The following SLC44A5 variants were observed in gnomAD, a reference collection of about 807,000 sequenced individuals.
SLC44A5 encodes choline transporter-like protein 5.
SLC44A5 carries 57 observed loss-of-function variants against 101.8 expected under a neutral mutation model. That is an observed-to-expected ratio of 0.56 (90% CI 0.45 to 0.70). The LOEUF (loss-of-function observed/expected upper bound fraction) is 0.70, where lower values mean the gene tolerates loss of function less well. Ranked by LOEUF, SLC44A5 falls within the 30% of genes least tolerant of loss-of-function variation. The pLI is 0.00. For missense variants in SLC44A5, 737 were observed against 853.1 expected (o/e 0.86, Z 1.70); for synonymous variants, 281 against 290.9 (o/e 0.97, Z 0.35).
intron 2 of SLC44A5, among the ~76,000 whole-genome samples, chr1:75,408,952 G>A (rs977322044): frequency 6.6e-6 from 1 of 152,076 alleles, no homozygotes; most frequent in African/African-American, 2.4e-5. Context: ...CTGAAAGATG[G>A]TGCTATATGA....
intron 2 of SLC44A5, among the ~76,000 whole-genome samples, chr1:75,423,250 C>T (rs1664120269): frequency 6.6e-6 from 1 of 152,154 alleles, no homozygotes; most frequent in African/African-American, 2.4e-5. Context: ...TAGCAACCTG[C>T]TTAGTAAGGT....
intron 2 of SLC44A5, among the ~76,000 whole-genome samples, chr1:75,443,695 A>G (rs917423736): frequency 6.6e-6 from 1 of 151,786 alleles, no homozygotes; most frequent in Admixed American, 6.6e-5. Flanking sequence ...TAAAAAGAAA[A>G]TATTCCCAAA....
rs769100793 is a variant in SLC44A5 at position 75,396,667 on chromosome 1, T to A, written c.14-46A>T. Reference sequence around the variant, plus strand: ...CAAAAAAAATATTTGTAGGGGCTGATGACTCTGAGGTTCTATACACATCTC... The same window carrying A: ...CAAAAAAAATATTTGTAGGGGCTGAAGACTCTGAGGTTCTATACACATCTC... On this transcript the variant is annotated intron_variant, in intron 2 of 23. Coordinates refer to ENST00000370859, the MANE Select transcript of SLC44A5 (RefSeq NM_001130058.2). The A allele has an allele frequency of 2.0e-6, 3 of 1,474,734 alleles. No homozygotes were observed. In the South Asian group the frequency reaches 3.4e-5, roughly 17 times the overall value. 91.4% of individuals were successfully genotyped at this position (1,474,734 alleles called of 1,614,324 possible). A position where few individuals can be genotyped will look rare whatever the true frequency, so the allele number is the denominator to read the frequency against.
chr1:75,418,272 C>A (rs993778733), intron 2 of SLC44A5, among the ~76,000 whole-genome samples: 1 of 152,046 alleles, frequency 6.6e-6, no homozygotes, highest in Admixed American at 6.6e-5. Flanking sequence ...TCTGCCAGAG[C>A]CTAGGAATAC....
intron 2 of SLC44A5, among the ~76,000 whole-genome samples, chr1:75,421,740 T>C (rs915401089): frequency 6.6e-6 from 1 of 151,966 alleles, no homozygotes; most frequent in Non-Finnish European, 1.5e-5. Flanking sequence ...AAACACATAA[T>C]AGAGGAAGGA....
At chr1:75,651,862 C>T in the SLC44A5 span, among the ~76,000 whole-genome samples, 1 of 152,046 alleles carries the variant, frequency 6.6e-6, no homozygotes, top group South Asian at 2.1e-4. Flanking sequence ...CGTGGAACGT[C>T]AGGCGACCAT....
upstream of SLC44A5, among the ~76,000 whole-genome samples, chr1:75,611,421 A>G (rs1675651716): frequency 6.6e-6 from 1 of 152,124 alleles, no homozygotes; most frequent in South Asian, 2.1e-4. Context: ...TGCTTAGGGG[A>G]AAGAAAATCA....
intron 2 of SLC44A5, among the ~76,000 whole-genome samples, chr1:75,424,018 C>T (rs1283165484): frequency 6.6e-6 from 1 of 152,116 alleles, no homozygotes; most frequent in African/African-American, 2.4e-5. Flanking sequence ...TTCTTTCCAC[C>T]GCTGGAATTA....
At chr1:75,686,801 T>C in the SLC44A5 span, among the ~76,000 whole-genome samples, 1 of 152,216 alleles carries the variant, frequency 6.6e-6, no homozygotes, top group East Asian at 1.9e-4. Flanking sequence ...ATAGCTACCA[T>C]GTGGACAGAT....
chr1:75,543,604 TATATAC>T (rs901376394), intron 1 of SLC44A5, among the ~76,000 whole-genome samples: 2 of 146,914 alleles, frequency 1.4e-5, no homozygotes, highest in African/African-American at 2.5e-5. Context: ...AATATATATA[TATATAC>T]ACACACACAT....
At chr1:75,625,215 C>A in the SLC44A5 span, among the ~76,000 whole-genome samples, 238 of 152,230 alleles carry the variant, frequency 1.6e-3, no homozygotes, top group Non-Finnish European at 2.8e-3. Flanking sequence ...TACATTATGA[C>A]TTGTTGTAAT....
At chr1:75,439,364 G>A (rs1665065824) in intron 2 of SLC44A5, among the ~76,000 whole-genome samples, 1 of 152,004 alleles carries the variant, frequency 6.6e-6, no homozygotes, top group African/African-American at 2.4e-5. Context: ...AAATGACCAA[G>A]GAGATTTGAA....
chr1:75,607,876 A>G (rs918928214), intron 1 of SLC44A5, among the ~76,000 whole-genome samples: 1 of 152,030 alleles, frequency 6.6e-6, no homozygotes, highest in Non-Finnish European at 1.5e-5. Flanking sequence ...AATCTTGGGT[A>G]TGTCTTCATT....
chr1:75,376,718 C>A (rs1452370654), intron 3 of SLC44A5, among the ~76,000 whole-genome samples: 2 of 152,010 alleles, frequency 1.3e-5, no homozygotes, highest in African/African-American at 4.8e-5. Context: ...GATAAAACCA[C>A]AAAGATGGGG....
At chr1:75,690,656 G>T in the SLC44A5 span, among the ~76,000 whole-genome samples, 1 of 152,156 alleles carries the variant, frequency 6.6e-6, no homozygotes, top group Non-Finnish European at 1.5e-5. Flanking sequence ...TGCTAGATTT[G>T]ATCTAGGTTT....
intron 11 of SLC44A5, among the ~76,000 whole-genome samples, chr1:75,235,004 T>C (rs1054162906): frequency 2.0e-5 from 3 of 152,068 alleles, no homozygotes; most frequent in Non-Finnish European, 2.9e-5. Flanking sequence ...GTGTAGTACA[T>C]TTATTAAGTT....
chr1:75,219,385 T>C (rs373408999), intron 15 of SLC44A5, 41 bp from the exon 16 acceptor site: 1 of 1,370,982 alleles, frequency 7.3e-7, no homozygotes, highest in Non-Finnish European at 1.0e-6. Context: ...TGCTGGTAGA[T>C]TGAAAATAAA....
chr1:75,391,956 C>A (rs942681721), intron 3 of SLC44A5, among the ~76,000 whole-genome samples: 9 of 152,068 alleles, frequency 5.9e-5, no homozygotes, highest in African/African-American at 2.2e-4. Context: ...AAGTTTGAGA[C>A]CAGCCTGGGC....
intron 2 of SLC44A5, among the ~76,000 whole-genome samples, chr1:75,476,304 C>T (rs746792838): frequency 3.9e-5 from 6 of 152,210 alleles, no homozygotes; most frequent in Non-Finnish European, 7.3e-5. Flanking sequence ...CTCTGGTCTA[C>T]AGCTCCCAGC....
Sources: allele counts gnomAD v4.1 joint callset (sites outside exome capture counted in the v4.1 genomes callset), GRCh38; gene constraint gnomAD v4.1.1; transcripts MANE v1.5; gene names NCBI Gene and HGNC (gene_info 2026-07-23, HGNC 2026-07-21).